The following QTRT2 variants were observed in gnomAD, a reference collection of about 807,000 sequenced individuals.
QTRT2 encodes the protein queuine tRNA-ribosyltransferase accessory subunit 2, also known as queuine tRNA-ribosyltransferase domain containing 1.
A neutral mutation model predicts 44.8 loss-of-function variants in QTRT2; 32 were observed. That is an observed-to-expected ratio of 0.71 (90% CI 0.54 to 0.96). The LOEUF (loss-of-function observed/expected upper bound fraction) is 0.96, where lower values mean the gene tolerates loss of function less well. QTRT2 is among the 40% of genes least tolerant of loss of function. The pLI, the probability that QTRT2 is intolerant of heterozygous loss-of-function variation, is 0.00. For synonymous variants in QTRT2, 182 were observed against 187.4 expected, an observed-to-expected ratio of 0.97 and a Z score of 0.24; for missense variants, 461 against 503.1, an observed-to-expected ratio of 0.92 and a Z score of 0.80.
intron 2 of QTRT2, among the ~76,000 whole-genome samples, chr3:114,061,833 C>T (rs1043223920): frequency 2.6e-5 from 4 of 152,152 alleles, no homozygotes; most frequent in Non-Finnish European, 4.4e-5. Context: ...CCACCTTGGC[C>T]TCCCAAACTG....
intron 5 of QTRT2, 86 bp downstream of exon 5, chr3:114,068,149 T>C: frequency 1.9e-6 from 2 of 1,027,926 alleles, no homozygotes; most frequent in Non-Finnish European, 3.1e-6. Flanking sequence ...CAGATCCCAC[T>C]GTCTGGGATG....
Position 114,070,780 on chromosome 3 carries a change from C to CTGTTGACCGATCACTTCT in QTRT2, c.490_507dup (p.Val164_Leu169dup). The stretch of plus-strand genomic sequence containing the variant: ...ACTTCCATAAAAAGGGTCAGAAAGT[C>CTGTTGACCGATCACTTCT]TGTTGACCGATCACTTCTTTTCTTG... On this transcript the variant is annotated inframe_insertion, in exon 6 of 10. Transcript: ENST00000281273. 1 of 1,614,010 alleles carries CTGTTGACCGATCACTTCT rather than the reference C, an allele frequency of 6.2e-7. No individual in the cohort carries two copies. Among genetic ancestry groups the CTGTTGACCGATCACTTCT allele is most frequent in the Non-Finnish European group, 8.5e-7 (1 of 1,179,964 alleles).
intron 2 of QTRT2, among the ~76,000 whole-genome samples, chr3:114,062,011 TAAAAAAA>T (rs35348583): frequency 1.1e-4 from 15 of 135,786 alleles, no homozygotes; most frequent in African/African-American, 4.1e-4. Context: ...CAGGATATTC[TAAAAAAA>T]AAAAAAAAAA....
chr3:114,074,039 T>C (rs1480018851), intron 6 of QTRT2, among the ~76,000 whole-genome samples: 1 of 152,164 alleles, frequency 6.6e-6, no homozygotes, highest in Admixed American at 6.5e-5. Context: ...TGGCGAATGG[T>C]TTCAACCGAG....
chr3:114,071,997 G>A (rs182968369), intron 6 of QTRT2, among the ~76,000 whole-genome samples: 1 of 152,148 alleles, frequency 6.6e-6, no homozygotes, highest in African/African-American at 2.4e-5. Flanking sequence ...TGACCTTTCT[G>A]AGTTGCTTGG....
In QTRT2 at chr3:114,087,156, A is replaced by G. The variant is rs2077247014; in HGVS notation, c.*1252A>G. On this transcript the variant is annotated 3_prime_UTR_variant, in exon 10 of 10. Coordinates refer to ENST00000281273, the MANE Select transcript of QTRT2 (RefSeq NM_024638.4). ...CCATAGTTTTTATACAAACAGCAAT[A>G]ACAAAACCAAAAAGATGCCCCTTTT... The G allele has an allele frequency of 6.6e-6, 1 of 152,212 alleles. No individual in the cohort carries two copies. The highest frequency in any genetic ancestry group is 2.1e-4 in the South Asian group (1 of 4,830). 9.4% of individuals were successfully genotyped at this position (152,212 alleles called of 1,614,324 possible).
chr3:114,064,169 C>A, intron 2 of QTRT2, among the ~76,000 whole-genome samples: 1 of 151,964 alleles, frequency 6.6e-6, no homozygotes, highest in Non-Finnish European at 1.5e-5. Context: ...GAGCTGAGAT[C>A]GCTTCACTGC....
chr3:114,081,165 C>G (rs1218818277), intron 8 of QTRT2, among the ~76,000 whole-genome samples: 1 of 152,040 alleles, frequency 6.6e-6, no homozygotes, highest in Non-Finnish European at 1.5e-5. Context: ...CATTTTTGGC[C>G]AGAGAAAGCC....
At chr3:114,082,433 T>A (rs2077179675) in intron 8 of QTRT2, 1 of 254,070 alleles carries the variant, frequency 3.9e-6, no homozygotes, top group Non-Finnish European at 7.7e-6. Context: ...GTTATATACT[T>A]GTAACTATAA....
intron 2 of QTRT2, among the ~76,000 whole-genome samples, chr3:114,057,852 C>T (rs1295443746): frequency 6.6e-6 from 1 of 152,042 alleles, no homozygotes; most frequent in Non-Finnish European, 1.5e-5. Flanking sequence ...ATTGCAGAGA[C>T]TGGGAGGATG....
chr3:114,085,601 G>A (rs1408641593), intron 9 of QTRT2, 72 bp from the exon 10 acceptor site: 1 of 1,274,342 alleles, frequency 7.8e-7, no homozygotes, highest in Non-Finnish European at 1.1e-6. Context: ...TTTACCAGCA[G>A]AATAGATAGC....
intron 9 of QTRT2, 51 bp downstream of exon 9, chr3:114,082,845 G>A (rs1353902101): frequency 1.2e-6 from 1 of 834,340 alleles, no homozygotes; most frequent in Non-Finnish European, 2.0e-6. Context: ...CTGAATTTTA[G>A]TCTGTGTTAA....
At chr3:114,065,934 G>A (rs1349377357) in intron 3 of QTRT2, among the ~76,000 whole-genome samples, 8 of 152,206 alleles carry the variant, frequency 5.3e-5, no homozygotes, top group Non-Finnish European at 7.3e-5. Flanking sequence ...AGTCTGCAGC[G>A]TTGTGTTAAC....
intron 6 of QTRT2, among the ~76,000 whole-genome samples, chr3:114,072,518 A>G (rs1328189074): frequency 2.0e-5 from 3 of 152,108 alleles, no homozygotes; most frequent in Admixed American, 2.0e-4. Flanking sequence ...TTTAGCCCCA[A>G]TCATATTGTA....
chr3:114,085,599 C>A, intron 9 of QTRT2, 74 bp from the exon 10 acceptor site: 3 of 1,231,668 alleles, frequency 2.4e-6, no homozygotes, highest in Non-Finnish European at 3.6e-6. Flanking sequence ...ACTTTACCAG[C>A]AGAATAGATA....
chr3:114,063,855 C>G (rs1024916862), intron 2 of QTRT2, among the ~76,000 whole-genome samples: 2 of 151,868 alleles, frequency 1.3e-5, no homozygotes, highest in African/African-American at 4.8e-5. Context: ...ATAGATATGT[C>G]TTATTTATTT....
intron 8 of QTRT2, among the ~76,000 whole-genome samples, chr3:114,081,144 A>G (rs1177380500): frequency 2.6e-5 from 4 of 152,244 alleles, no homozygotes; most frequent in Non-Finnish European, 1.5e-5. Flanking sequence ...GTTCTCTGTA[A>G]AGAACAAGAT....
At chr3:114,083,277 G>A (rs2077190888) in intron 9 of QTRT2, among the ~76,000 whole-genome samples, 1 of 146,448 alleles carries the variant, frequency 6.8e-6, no homozygotes, top group Non-Finnish European at 1.5e-5. Context: ...CTTTGTTGTT[G>A]TTGTTGTTGC....
Position 114,067,970 on chromosome 3 carries a change from T to G in QTRT2, c.257-17T>G. On this transcript the variant is annotated splice_polypyrimidine_tract_variant and intron_variant, in intron 4 of 9. Transcript: ENST00000281273. ...TGATGTAAGCACTTTCAAGGGTTCTTTTTTGTGTTTATACAGGCATGCCAG... is the reference window on the plus strand; with the variant it reads ...TGATGTAAGCACTTTCAAGGGTTCTGTTTTGTGTTTATACAGGCATGCCAG... 6.2e-7 allele frequency: 1 copy of G among 1,613,076 alleles called. No individual in the cohort carries two copies. Among genetic ancestry groups the G allele is most frequent in the Non-Finnish European group, 8.5e-7 (1 of 1,179,202 alleles).
Sources: gnomAD v4.1 joint callset for allele counts (sites outside exome capture counted in the v4.1 genomes callset) on GRCh38, gnomAD v4.1.1 for gene constraint, MANE v1.5 for transcripts, NCBI Gene and HGNC (gene_info 2026-07-23, HGNC 2026-07-21) for gene names.